Variants in DOCK7 observed in about 807,000 individuals in gnomAD.
DOCK7 encodes the protein dedicator of cytokinesis protein 7.
Under a neutral mutation model 271.0 loss-of-function variants are expected in DOCK7, and 138 were observed. The ratio of observed to expected loss-of-function variants is 0.51; its 90% CI spans 0.44 to 0.59. The LOEUF (loss-of-function observed/expected upper bound fraction) is 0.59, where lower values mean the gene tolerates loss of function less well. Among genes scored for constraint, DOCK7 ranks in the 20% least tolerant of loss-of-function variants. The probability of loss-of-function intolerance (pLI) is 0.00; values close to 1 mark genes in which losing one functional copy is unlikely to be tolerated. For missense variants in DOCK7, 2,066 were observed against 2,592.4 expected (o/e 0.80, Z 4.41); for synonymous variants, 823 against 876.1 (o/e 0.94, Z 1.07).
chr1:62,678,419 C>A (rs1316044118), intron 1 of DOCK7, among the ~76,000 whole-genome samples: 1 of 152,004 alleles, frequency 6.6e-6, no homozygotes, highest in African/African-American at 2.4e-5. Flanking sequence ...TTGTTATATA[C>A]CCAGGAATAA....
At chr1:62,614,429 G>C (rs1246323514) in intron 14 of DOCK7, among the ~76,000 whole-genome samples, 1 of 151,836 alleles carries the variant, frequency 6.6e-6, no homozygotes, top group African/African-American at 2.4e-5. Flanking sequence ...AACTTTTAAT[G>C]ATTTGGTTTT....
At chr1:62,667,367 A>C (rs59734006) in intron 1 of DOCK7, among the ~76,000 whole-genome samples, 1,733 of 152,344 alleles carry the variant, frequency 0.011, 43 homozygotes, top group African/African-American at 0.039. Flanking sequence ...TGAAGGGTAA[A>C]GGATATATCA....
chr1:62,569,585 C>G (rs1275269170), intron 18 of DOCK7, among the ~76,000 whole-genome samples: 3 of 152,068 alleles, frequency 2.0e-5, no homozygotes, highest in Admixed American at 2.0e-4. Flanking sequence ...AGGAACATAC[C>G]TCAAAATAGT....
chr1:62,615,706 T>C lies in DOCK7; in HGVS notation c.1682+3000A>G, dbSNP rs140283439. ...TCATGAGAGAAAAATGGTTATTCTA[T>C]AAACATTTAATGAGTCCTTTTTTAA... is the stretch of plus-strand genomic sequence containing the variant. On this transcript the variant is annotated intron_variant, in intron 14 of 49. Coordinates refer to ENST00000635253, the MANE Select transcript of DOCK7 (RefSeq NM_001367561.1). Among the ~76,000 whole-genome samples the C allele has an allele frequency of 1.1e-3, 160 of 151,854 alleles. 1 individual carries two copies. The highest frequency in any genetic ancestry group is 3.4e-3 in the Middle Eastern group (1 of 294).
At chr1:62,632,851 C>A (rs555449490) in intron 10 of DOCK7, among the ~76,000 whole-genome samples, 1 of 151,884 alleles carries the variant, frequency 6.6e-6, no homozygotes, top group Non-Finnish European at 1.5e-5. Context: ...GTGGCACATG[C>A]CTGTAATTTG....
intron 2 of DOCK7, among the ~76,000 whole-genome samples, chr1:62,658,322 C>T (rs899567395): frequency 2.0e-5 from 3 of 151,498 alleles, no homozygotes; most frequent in African/African-American, 7.3e-5. Context: ...GGCATGGTGG[C>T]GGGCACCTAT....
At chr1:62,598,516 T>A (rs917986637) in intron 14 of DOCK7, among the ~76,000 whole-genome samples, 1 of 152,040 alleles carries the variant, frequency 6.6e-6, no homozygotes, top group African/African-American at 2.4e-5. Context: ...ACAATTTAAA[T>A]AAAATGTTAA....
intron 1 of DOCK7, chr1:62,687,696 C>G (rs1433832797): frequency 6.6e-6 from 1 of 152,296 alleles, no homozygotes; most frequent in Non-Finnish European, 1.5e-5. Flanking sequence ...TCAGATTTCT[C>G]AGGAAGAGAG....
chr1:62,637,760 A>C (rs1022981433), intron 7 of DOCK7, among the ~76,000 whole-genome samples: 1 of 152,228 alleles, frequency 6.6e-6, no homozygotes, highest in African/African-American at 2.4e-5. Flanking sequence ...GGCTAGCAAA[A>C]GCAAGTCATT....
chr1:62,579,105 CA>C, intron 16 of DOCK7, 139 bp from the exon 17 acceptor site: 1 of 827,886 alleles, frequency 1.2e-6, no homozygotes, highest in South Asian at 3.0e-5. Context: ...TCTTTATCCC[CA>C]ATCTCTAAAT....
chr1:62,518,370 G>C (rs1490310181), intron 31 of DOCK7, among the ~76,000 whole-genome samples: 1 of 152,186 alleles, frequency 6.6e-6, no homozygotes, highest in Non-Finnish European at 1.5e-5. Context: ...AGGAGATTGA[G>C]ACTATCCTGG....
In DOCK7 at chr1:62,635,981, CT is replaced by C. The variant is rs202231721; in HGVS notation, c.885+555del. ...AAATTAAGAAATGTTGTAAAATAACCTTCTGACACGCCTGTAATCCCAGCAC... is the reference window on the plus strand; with the variant it reads ...AAATTAAGAAATGTTGTAAAATAACCTCTGACACGCCTGTAATCCCAGCAC... On this transcript the variant is annotated intron_variant, in intron 8 of 49. Coordinates refer to ENST00000635253, the MANE Select transcript of DOCK7 (RefSeq NM_001367561.1). Among the ~76,000 whole-genome samples the C allele has an allele frequency of 6.1e-3, 929 of 152,192 alleles. 6 individuals carry two copies. The highest frequency in any genetic ancestry group is 0.021 in the African/African-American group (892 of 41,518).
intron 48 of DOCK7, among the ~76,000 whole-genome samples, chr1:62,467,605 A>C (rs1048410157): frequency 6.6e-6 from 1 of 152,248 alleles, no homozygotes; most frequent in Admixed American, 6.5e-5. Context: ...AGAAAAATGA[A>C]AAAGCAAAAA....
chr1:62,548,844 C>A (rs932384030), intron 22 of DOCK7, among the ~76,000 whole-genome samples: 3 of 152,084 alleles, frequency 2.0e-5, no homozygotes, highest in African/African-American at 7.2e-5. Context: ...TTGCTCAGAC[C>A]AAGATGGTAG....
Position 62,633,525 on chromosome 1 carries a change from C to A in DOCK7, c.1089G>T (p.Met363Ile). The change falls in exon 10 of 50, where the codon ATG becomes ATT. Residue 363 changes from methionine to isoleucine, a missense_variant. By Grantham distance (10) the Met-to-Ile change is conservative. This residue lies in a region of DOCK7 where 1,414 missense variants were observed against 1,670.4 expected (regional missense o/e 0.85). Transcript: ENST00000635253. ...GDIGECAEPY[M>I]IFKEADATKN... ...TGGTGGCATCTGCTTCTTTGAAAATCATATATGGTTCTGCACACTCTCCAA... is the reference window on the plus strand; with the variant it reads ...TGGTGGCATCTGCTTCTTTGAAAATAATATATGGTTCTGCACACTCTCCAA... 2 of 1,613,002 alleles carry A rather than the reference C, an allele frequency of 1.2e-6. No individual in the cohort carries two copies. Among genetic ancestry groups the A allele is most frequent in the Non-Finnish European group, 1.7e-6 (2 of 1,179,516 alleles).
chr1:62,500,734 G>GTT (rs769949507), intron 37 of DOCK7, among the ~76,000 whole-genome samples: 4 of 152,142 alleles, frequency 2.6e-5, no homozygotes, highest in Non-Finnish European at 4.4e-5. Flanking sequence ...TGGTACTCAA[G>GTT]TACCCTTTTT....
intron 2 of DOCK7, among the ~76,000 whole-genome samples, chr1:62,662,760 C>CA (rs1330348449): frequency 1.3e-5 from 2 of 151,228 alleles, no homozygotes; most frequent in Non-Finnish European, 2.9e-5. Context: ...GACTCGGTCT[C>CA]AAAAAAAGAA....
At chr1:62,669,295 T>C (rs1255866403) in intron 1 of DOCK7, among the ~76,000 whole-genome samples, 1 of 152,234 alleles carries the variant, frequency 6.6e-6, no homozygotes, top group Non-Finnish European at 1.5e-5. Flanking sequence ...AGCACTCTCT[T>C]TGATAGTAGC....
In DOCK7 at chr1:62,553,178, G is replaced by A. The variant is rs532840305; in HGVS notation, c.2597-277C>T. On this transcript the variant is annotated intron_variant, in intron 21 of 49. Coordinates refer to ENST00000635253, the MANE Select transcript of DOCK7 (RefSeq NM_001367561.1). Reference sequence around the variant, plus strand: ...GCCTCCCGAGTAGCTGGGACTACAGGTGCGTGCCACCACGCCCGGCTAATT... The same window carrying A: ...GCCTCCCGAGTAGCTGGGACTACAGATGCGTGCCACCACGCCCGGCTAATT... Among the ~76,000 whole-genome samples, 18 of 148,600 alleles carry A rather than the reference G, an allele frequency of 1.2e-4. No individual in the cohort carries two copies. The South Asian group carries it at 3.8e-3, about 32-fold the overall frequency.
Sources: allele counts gnomAD v4.1 joint callset (sites outside exome capture counted in the v4.1 genomes callset), GRCh38; gene constraint gnomAD v4.1.1; regional missense constraint gnomAD v4.1.1; transcripts MANE v1.5; gene names NCBI Gene and HGNC (gene_info 2026-07-23, HGNC 2026-07-21).